REDIC1: variants seen among roughly 807,000 people sequenced by gnomAD.
The protein encoded by REDIC1 is HEI10 Interacting Protein 1.
the REDIC1 span, among the ~76,000 whole-genome samples, chr12:39,903,451 C>G: frequency 6.6e-6 from 1 of 152,084 alleles, no homozygotes; most frequent in African/African-American, 2.4e-5. Flanking sequence ...TCTGGCCCCC[C>G]AGTATCTCTT....
At chr12:39,894,437 T>C in the REDIC1 span, among the ~76,000 whole-genome samples, 1 of 152,196 alleles carries the variant, frequency 6.6e-6, no homozygotes, top group Non-Finnish European at 1.5e-5. Context: ...GAACCCCTAA[T>C]ACCTTTAATA....
chr12:39,658,822 T>C, the REDIC1 span, among the ~76,000 whole-genome samples: 20 of 152,200 alleles, frequency 1.3e-4, no homozygotes, highest in Non-Finnish European at 2.5e-4. Context: ...AGTATAAGAA[T>C]CTTACAGTAG....
the REDIC1 span, among the ~76,000 whole-genome samples, chr12:39,636,536 A>T: frequency 7.9e-5 from 12 of 152,174 alleles, no homozygotes; most frequent in African/African-American, 2.4e-4. Flanking sequence ...TTAGATTTTC[A>T]TGTTTTAAAT....
At chr12:39,903,303 A>G in the REDIC1 span, among the ~76,000 whole-genome samples, 2 of 152,174 alleles carry the variant, frequency 1.3e-5, no homozygotes, top group African/African-American at 4.8e-5. Context: ...AAAATGCTAT[A>G]TCTGACAGAT....
the REDIC1 span, among the ~76,000 whole-genome samples, chr12:39,865,921 T>G: frequency 6.6e-6 from 1 of 152,156 alleles, no homozygotes; most frequent in Non-Finnish European, 1.5e-5. Flanking sequence ...AACTACTTAT[T>G]GAGTAGTGTG....
the REDIC1 span, among the ~76,000 whole-genome samples, chr12:39,739,073 T>G: frequency 6.6e-6 from 1 of 151,890 alleles, no homozygotes; most frequent in Non-Finnish European, 1.5e-5. Flanking sequence ...ACTACTTCAT[T>G]TTAGATGAGA....
At chr12:39,788,616 T>C in the REDIC1 span, 1 of 152,140 alleles carries the variant, frequency 6.6e-6, no homozygotes, top group Non-Finnish European at 1.5e-5. Context: ...CGAGAAACCA[T>C]GGATAAGGGA....
the REDIC1 span, among the ~76,000 whole-genome samples, chr12:39,665,831 A>T: frequency 6.6e-6 from 1 of 152,096 alleles, no homozygotes; most frequent in Non-Finnish European, 1.5e-5. Context: ...TTCTCTTGGA[A>T]GCAATTGTGA....
chr12:39,649,210 T>C, the REDIC1 span, among the ~76,000 whole-genome samples: 3 of 151,978 alleles, frequency 2.0e-5, no homozygotes, highest in South Asian at 6.2e-4. Context: ...AAATAGATAA[T>C]GTCCCTTTTC....
the REDIC1 span, among the ~76,000 whole-genome samples, chr12:39,740,458 G>A: frequency 6.6e-6 from 1 of 152,104 alleles, no homozygotes; most frequent in Admixed American, 6.5e-5. Flanking sequence ...CAAATTAATA[G>A]GAAATAGGCA....
the REDIC1 span, among the ~76,000 whole-genome samples, chr12:39,709,574 G>A: frequency 1.3e-5 from 2 of 149,288 alleles, no homozygotes; most frequent in Admixed American, 6.8e-5. Flanking sequence ...TATATAACTA[G>A]TAGGTGAAAT....
chr12:39,734,831 A>T, the REDIC1 span, among the ~76,000 whole-genome samples: 1 of 152,086 alleles, frequency 6.6e-6, no homozygotes, highest in African/African-American at 2.4e-5. Context: ...TTGCATTTCC[A>T]TAGGGATTTT....
the REDIC1 span, among the ~76,000 whole-genome samples, chr12:39,794,244 C>T: frequency 6.6e-6 from 1 of 151,588 alleles, no homozygotes; most frequent in East Asian, 1.9e-4. Context: ...TGTGTTTTTC[C>T]CCTATAAAAC....
chr12:39,902,355 A>T, the REDIC1 span, among the ~76,000 whole-genome samples: 1 of 151,978 alleles, frequency 6.6e-6, no homozygotes, highest in East Asian at 1.9e-4. Context: ...ATAAAATAAA[A>T]ATTAAAAAAA....
chr12:39,765,391 A>C, the REDIC1 span, among the ~76,000 whole-genome samples: 1 of 151,764 alleles, frequency 6.6e-6, no homozygotes, highest in Non-Finnish European at 1.5e-5. Context: ...TCTACCAGTC[A>C]CTCCCTGATG....
chr12:39,864,781 C>A, the REDIC1 span: 2 of 1,613,618 alleles, frequency 1.2e-6, no homozygotes, highest in African/African-American at 1.3e-5. Flanking sequence ...GTGCAAGTGG[C>A]GTTCTGACCT....
At chr12:39,631,002 A>G in the REDIC1 span, among the ~76,000 whole-genome samples, 1 of 152,080 alleles carries the variant, frequency 6.6e-6, no homozygotes, top group East Asian at 1.9e-4. Flanking sequence ...GTTCTGTTAA[A>G]ATGAGCCTCC....
the REDIC1 span, among the ~76,000 whole-genome samples, chr12:39,760,953 A>AACACACACACACACACACACACACAC: frequency 0.034 from 3,467 of 101,524 alleles, 267 homozygotes; most frequent in African/African-American, 0.072. Context: ...GTCTCTACCA[A>AACACACACACACACACACACACACAC]ACACACACAC....
the REDIC1 span, chr12:39,646,843 A>G: frequency 1.3e-6 from 2 of 1,590,502 alleles, no homozygotes; most frequent in Non-Finnish European, 8.6e-7. Context: ...TCATTAGTGT[A>G]AACTGTCAAA....
Sources: gnomAD v4.1 joint callset for allele counts (sites outside exome capture counted in the v4.1 genomes callset) on GRCh38, gnomAD v4.1.1 for gene constraint, MANE v1.5 for transcripts, NCBI Gene and HGNC (gene_info 2026-07-23, HGNC 2026-07-21) for gene names.